The following ADAMTSL3 variants were observed in gnomAD, a reference collection of about 807,000 sequenced individuals.
The protein encoded by ADAMTSL3 is ADAMTS like 3.
Under a neutral mutation model 201.7 loss-of-function variants are expected in ADAMTSL3, and 128 were observed. That is an observed-to-expected ratio of 0.63 (90% CI 0.55 to 0.73). The LOEUF (loss-of-function observed/expected upper bound fraction) is 0.73. Among genes scored for constraint, ADAMTSL3 ranks in the 30% least tolerant of loss-of-function variants. The pLI, the probability that ADAMTSL3 is intolerant of heterozygous loss-of-function variation, is 0.00. For missense variants in ADAMTSL3, 1,990 were observed against 2,119.6 expected (o/e 0.94, Z 1.20); for synonymous variants, 738 against 748.4 (o/e 0.99, Z 0.23).
At chr15:83,906,568 G>A (rs1406086962) in intron 15 of ADAMTSL3, among the ~76,000 whole-genome samples, 1 of 150,306 alleles carries the variant, frequency 6.7e-6, no homozygotes, top group African/African-American at 2.5e-5. Flanking sequence ...GTTGAATTCT[G>A]GGAAAACTGG....
chr15:83,856,651 T>G (rs1055856874), intron 7 of ADAMTSL3, among the ~76,000 whole-genome samples: 1 of 152,216 alleles, frequency 6.6e-6, no homozygotes, highest in Admixed American at 6.5e-5. Flanking sequence ...CTGTATGATC[T>G]TCACTACCAT....
At chr15:83,924,842 G>A (rs1019117178) in intron 17 of ADAMTSL3, among the ~76,000 whole-genome samples, 6 of 151,992 alleles carry the variant, frequency 3.9e-5, no homozygotes, top group South Asian at 2.1e-4. Flanking sequence ...ATTAGTTGCC[G>A]AAAATGTTAA....
chr15:84,018,810 T>C (rs2068138120), intron 25 of ADAMTSL3, among the ~76,000 whole-genome samples: 1 of 152,146 alleles, frequency 6.6e-6, no homozygotes, highest in African/African-American at 2.4e-5. Flanking sequence ...AGGAGTCTTA[T>C]ATGGTAGTGA....
chr15:83,731,248 G>A lies in ADAMTSL3; in HGVS notation c.189+26740G>A, dbSNP rs1026783400. 2.0e-5 allele frequency among the ~76,000 whole-genome samples: 3 copies of A among 152,008 alleles called. No homozygotes were observed. In the South Asian group the frequency reaches 6.2e-4, roughly 32 times the overall value. On this transcript the variant is annotated intron_variant, in intron 3 of 29. Coordinates refer to ENST00000286744, the MANE Select transcript of ADAMTSL3 (RefSeq NM_207517.3). ...CTTCCAACTAACTGGATTAAAAAAT[G>A]GGCAAATGGCATTTCTCAAAAGAAG...
chr15:83,748,830 G>C (rs1193313935), intron 3 of ADAMTSL3, among the ~76,000 whole-genome samples: 3 of 152,126 alleles, frequency 2.0e-5, no homozygotes, highest in Admixed American at 6.5e-5. Flanking sequence ...TACAGGACTT[G>C]TAAAGAGGAG....
At chr15:83,679,340 C>T (rs2061447843) in intron 2 of ADAMTSL3, among the ~76,000 whole-genome samples, 1 of 152,054 alleles carries the variant, frequency 6.6e-6, no homozygotes, top group Non-Finnish European at 1.5e-5. Context: ...GTGTAGGTAT[C>T]TGTTGATTGT....
At chr15:83,983,721 G>A (rs2067429802) in intron 21 of ADAMTSL3, among the ~76,000 whole-genome samples, 1 of 152,172 alleles carries the variant, frequency 6.6e-6, no homozygotes, top group African/African-American at 2.4e-5. Flanking sequence ...AGAATTTACA[G>A]AGCTCTTCCA....
At chr15:83,728,195 T>A (rs2141595943) in intron 3 of ADAMTSL3, among the ~76,000 whole-genome samples, 1 of 152,160 alleles carries the variant, frequency 6.6e-6, no homozygotes, top group East Asian at 1.9e-4. Flanking sequence ...TTTCTTGGTT[T>A]CCATTGACAT....
intron 3 of ADAMTSL3, among the ~76,000 whole-genome samples, chr15:83,707,625 C>T (rs1030632496): frequency 2.0e-5 from 3 of 152,126 alleles, no homozygotes; most frequent in African/African-American, 7.2e-5. Context: ...AAGAAGTAAC[C>T]ACCATTCAGA....
At position 83,954,716 on chromosome 15, in the gene ADAMTSL3, G is replaced by A. The variant is rs75559917; in HGVS notation, c.2490+11634G>A. On this transcript the variant is annotated intron_variant, in intron 19 of 29. Coordinates refer to ENST00000286744, the MANE Select transcript of ADAMTSL3 (RefSeq NM_207517.3). ...CAAGCCCAGTAACACTGTGCTTCATGCACACTCATAGAGATATCACTTTGG... is the reference window on the plus strand; with the variant it reads ...CAAGCCCAGTAACACTGTGCTTCATACACACTCATAGAGATATCACTTTGG... 7.9e-5 allele frequency among the ~76,000 whole-genome samples: 12 copies of A among 152,344 alleles called. No individual in the cohort carries two copies. In the East Asian group the frequency reaches 2.3e-3, roughly 29 times the overall value.
chr15:84,021,124 C>T (rs1567307162), intron 25 of ADAMTSL3, among the ~76,000 whole-genome samples: 2 of 152,118 alleles, frequency 1.3e-5, no homozygotes, highest in Admixed American at 1.3e-4. Flanking sequence ...AGAGTGCCTC[C>T]TCTCTCTCTG....
intron 4 of ADAMTSL3, among the ~76,000 whole-genome samples, chr15:83,781,008 A>G (rs2063159132): frequency 6.6e-6 from 1 of 152,248 alleles, no homozygotes; most frequent in Admixed American, 6.5e-5. Context: ...GAAAGAATCA[A>G]TATTGTTAAA....
In ADAMTSL3 at chr15:83,943,065, G is replaced by A. The variant is rs537686861; in HGVS notation, c.2473G>A (p.Val825Met). Residue 825 changes from valine to methionine, a missense_variant, in exon 19 of 30, where the codon GTG becomes ATG. Physicochemically the swap from Val to Met is conservative, Grantham distance 21. Transcript: ENST00000286744. ...ARTDCPPHLA[V>M]GDWSKCSVSC... ...GACAGACTGTCCTCCACATTTAGCT[G>A]TGGGAGACTGGTCGAAGGTAAGGGC... 14 of 1,611,578 alleles carry A rather than the reference G, an allele frequency of 8.7e-6. No individual in the cohort carries two copies. In the African/African-American group the frequency reaches 9.3e-5, roughly 11 times the overall value.
intron 3 of ADAMTSL3, among the ~76,000 whole-genome samples, chr15:83,730,737 C>A (rs899571174): frequency 6.6e-6 from 1 of 151,412 alleles, no homozygotes; most frequent in Non-Finnish European, 1.5e-5. Flanking sequence ...CCTTTTCATT[C>A]TGTTGATTGT....
chr15:83,827,682 T>C (rs925639818), intron 6 of ADAMTSL3, among the ~76,000 whole-genome samples: 1 of 152,194 alleles, frequency 6.6e-6, no homozygotes, highest in African/African-American at 2.4e-5. Flanking sequence ...TTGAATTAAT[T>C]TTTGTATAAG....
At chr15:83,921,212 T>G (rs2066136841) in intron 16 of ADAMTSL3, among the ~76,000 whole-genome samples, 1 of 152,242 alleles carries the variant, frequency 6.6e-6, no homozygotes, top group African/African-American at 2.4e-5. Context: ...TCACTTATGT[T>G]GGACTATATT....
At chr15:83,889,093 A>G (rs1306115405) in intron 10 of ADAMTSL3, among the ~76,000 whole-genome samples, 2 of 152,248 alleles carry the variant, frequency 1.3e-5, no homozygotes, top group African/African-American at 2.4e-5. Context: ...TAGAAGCATC[A>G]TTTTGTGACT....
intron 3 of ADAMTSL3, among the ~76,000 whole-genome samples, chr15:83,755,467 C>T (rs1334915488): frequency 1.3e-5 from 2 of 152,142 alleles, no homozygotes; most frequent in Non-Finnish European, 2.9e-5. Context: ...CTTTCTGTCT[C>T]TGTGAATTTG....
In ADAMTSL3 at chr15:83,658,883, C is replaced by T. The variant is rs111725832; in HGVS notation, c.69+3053C>T. 2.2e-3 allele frequency among the ~76,000 whole-genome samples: 336 copies of T among 152,186 alleles called. 8 individuals carry two copies. The South Asian group carries it at 0.039, about 18-fold the overall frequency. The stretch of plus-strand genomic sequence containing the variant: ...TGCCCCCCCTTTTTTTTCTCTTGCC[C>T]ATGAGAAGAATAAACAGCCTTATCT... On this transcript the variant is annotated intron_variant, in intron 2 of 29. Coordinates refer to ENST00000286744, the MANE Select transcript of ADAMTSL3 (RefSeq NM_207517.3).
Sources: allele counts gnomAD v4.1 joint callset (sites outside exome capture counted in the v4.1 genomes callset), GRCh38; gene constraint gnomAD v4.1.1; transcripts MANE v1.5; gene names NCBI Gene and HGNC (gene_info 2026-07-23, HGNC 2026-07-21).